IL1R1: variants seen among roughly 807,000 people sequenced by gnomAD.
IL1R1 encodes interleukin-1 receptor type 1.
In IL1R1, 22 loss-of-function variants were observed where a neutral mutation model predicts 50.2. The observed-to-expected ratio is 0.44, with a 90% CI of 0.31 to 0.63. The LOEUF (loss-of-function observed/expected upper bound fraction) is 0.63. Ranked by LOEUF, IL1R1 falls within the 20% of genes least tolerant of loss-of-function variation. IL1R1 has a pLI of 0.07. For synonymous variants in IL1R1, 251 were observed against 236.7 expected (o/e 1.06, Z -0.55); for missense variants, 509 against 676.2 (o/e 0.75, Z 2.74).
chr2:102,140,810 C>T (rs1344026932), upstream of IL1R1, among the ~76,000 whole-genome samples: 7 of 152,024 alleles, frequency 4.6e-5, no homozygotes, highest in Admixed American at 4.6e-4. Flanking sequence ...ACTTGAAGGT[C>T]CCAGATAGAA....
intron 1 of IL1R1, among the ~76,000 whole-genome samples, chr2:102,151,756 C>G (rs1683677269): frequency 6.6e-6 from 1 of 152,228 alleles, no homozygotes; most frequent in South Asian, 2.1e-4. Flanking sequence ...AGCTTCTGAT[C>G]AGAATCAGCT....
chr2:102,151,194 A>G (rs942871867), intron 1 of IL1R1, among the ~76,000 whole-genome samples: 2 of 151,882 alleles, frequency 1.3e-5, no homozygotes, highest in Admixed American at 6.6e-5. Context: ...GGTCATCCCC[A>G]CCCCTCAACT....
intron 1 of IL1R1, among the ~76,000 whole-genome samples, chr2:102,147,631 T>C (rs1016845208): frequency 4.6e-5 from 7 of 152,046 alleles, no homozygotes; most frequent in African/African-American, 1.7e-4. Flanking sequence ...AGGGGTGAGA[T>C]GGAAAAGTCA....
chr2:102,127,724 T>C (rs752907368), intron 1 of IL1R1, among the ~76,000 whole-genome samples: 6 of 151,806 alleles, frequency 4.0e-5, no homozygotes, highest in African/African-American at 1.2e-4. Flanking sequence ...TGATCTGGGA[T>C]ACCTATTTGG....
In IL1R1 at chr2:102,076,650, GC is replaced by G. The variant is rs1172708529; in HGVS notation, c.-84+6118del. 2.6e-4 allele frequency among the ~76,000 whole-genome samples: 40 copies of G among 152,200 alleles called. 1 individual carries two copies. In the South Asian group the frequency reaches 8.1e-3, roughly 31 times the overall value. On this transcript the variant is annotated intron_variant, in intron 1 of 11. Transcript: ENST00000409929. Reference sequence around the variant, plus strand: ...ATATTGATCTAGGGTCTTTTGGCTTGCATTGTTTCTAATGAGAAATCTGCTG... The same window carrying G: ...ATATTGATCTAGGGTCTTTTGGCTTGATTGTTTCTAATGAGAAATCTGCTG...
At chr2:102,093,286 T>G (rs575762741) in intron 1 of IL1R1, among the ~76,000 whole-genome samples, 48 of 152,334 alleles carry the variant, frequency 3.2e-4, no homozygotes, top group Middle Eastern at 6.8e-3. Flanking sequence ...TCAATCTAGC[T>G]TATGTTATTG....
intron 1 of IL1R1, among the ~76,000 whole-genome samples, chr2:102,110,307 G>T (rs1680679599): frequency 6.6e-6 from 1 of 152,148 alleles, no homozygotes; most frequent in South Asian, 2.1e-4. Flanking sequence ...GCGACCAGTG[G>T]CAGCCTGCCC....
chr2:102,164,157 G>A (rs1684964419), intron 3 of IL1R1, among the ~76,000 whole-genome samples: 1 of 152,014 alleles, frequency 6.6e-6, no homozygotes, highest in Non-Finnish European at 1.5e-5. Flanking sequence ...CTGAAAACTT[G>A]GGGGAGACTC....
intron 1 of IL1R1, among the ~76,000 whole-genome samples, chr2:102,090,722 A>G (rs1679629797): frequency 6.6e-6 from 1 of 151,982 alleles, no homozygotes. Context: ...GTTTTTCTGC[A>G]TCTTCTTGAG....
intron 1 of IL1R1, among the ~76,000 whole-genome samples, chr2:102,110,177 T>C (rs13020398): frequency 0.28 from 42,450 of 151,990 alleles, 6,819 homozygotes; most frequent in African/African-American, 0.45. Flanking sequence ...CCACCTCTTT[T>C]GCACTCATAG....
intron 1 of IL1R1, among the ~76,000 whole-genome samples, chr2:102,107,411 A>G (rs746364037): frequency 2.0e-5 from 3 of 151,318 alleles, no homozygotes; most frequent in Non-Finnish European, 4.4e-5. Flanking sequence ...CAAACGCCGC[A>G]TATTCTCACT....
chr2:102,070,782 G>A (rs1343179341), intron 1 of IL1R1, among the ~76,000 whole-genome samples: 2 of 152,054 alleles, frequency 1.3e-5, no homozygotes, highest in African/African-American at 4.8e-5. Flanking sequence ...TTTGTCCCAG[G>A]CCCTGTGCTG....
chr2:102,149,649 G>C (rs1683477340), intron 1 of IL1R1, among the ~76,000 whole-genome samples: 2 of 152,018 alleles, frequency 1.3e-5, no homozygotes, highest in Admixed American at 1.3e-4. Context: ...CTAATTCCAG[G>C]GCCTGTGTGG....
chr2:102,107,169 A>G (rs1157091849), intron 1 of IL1R1, among the ~76,000 whole-genome samples: 1 of 152,168 alleles, frequency 6.6e-6, no homozygotes, highest in Non-Finnish European at 1.5e-5. Context: ...ATTTTTTGAA[A>G]AGTGTGCTAC....
Position 102,176,448 on chromosome 2 carries a change from T to C in IL1R1, c.1399T>C (p.Ser467Pro). Residue 467 changes from serine to proline, a missense_variant, in exon 12 of 12, where the codon TCA becomes CCA. Coordinates refer to ENST00000410023, the MANE Select transcript of IL1R1 (RefSeq NM_000877.4). ...ATCAGGCTTCAGCTGGCTGGGTGGT[T>C]CATCTGAAGAGCAAATAGCCATGTA... is the stretch of plus-strand genomic sequence containing the variant. ...ETSGFSWLGG[S>P]SEEQIAMYNA... 1 of 1,614,204 alleles carries C rather than the reference T, an allele frequency of 6.2e-7. No homozygotes were observed. Among genetic ancestry groups the C allele is most frequent in the Non-Finnish European group, 8.5e-7 (1 of 1,180,000 alleles).
intron 1 of IL1R1, among the ~76,000 whole-genome samples, chr2:102,075,739 G>A (rs1322811299): frequency 6.6e-6 from 1 of 152,206 alleles, no homozygotes; most frequent in Non-Finnish European, 1.5e-5. Flanking sequence ...GGAATGTAAA[G>A]CATATCTTGG....
intron 1 of IL1R1, among the ~76,000 whole-genome samples, chr2:102,129,958 C>T (rs1165591208): frequency 6.6e-6 from 1 of 152,138 alleles, no homozygotes; most frequent in Non-Finnish European, 1.5e-5. Flanking sequence ...TGCCGATAAA[C>T]TCATTGCCTG....
At chr2:102,170,750 A>G (rs1685598940) in intron 7 of IL1R1, among the ~76,000 whole-genome samples, 1 of 152,224 alleles carries the variant, frequency 6.6e-6, no homozygotes, top group African/African-American at 2.4e-5. Context: ...TATTAATCTC[A>G]GAAAAACTGA....
chr2:102,088,203 C>T (rs569848402), intron 1 of IL1R1, among the ~76,000 whole-genome samples: 246 of 152,306 alleles, frequency 1.6e-3, no homozygotes, highest in Non-Finnish European at 3.0e-3. Flanking sequence ...TTTCCATTTA[C>T]TTTTCCAGTT....
Sources: gnomAD v4.1 joint callset for allele counts (sites outside exome capture counted in the v4.1 genomes callset) on GRCh38, gnomAD v4.1.1 for gene constraint, MANE v1.5 for transcripts, NCBI Gene and HGNC (gene_info 2026-07-23, HGNC 2026-07-21) for gene names.